Variants in TMEM17 observed in about 807,000 individuals in gnomAD.
TMEM17 encodes the protein transmembrane protein 17.
In TMEM17, 15 loss-of-function variants were observed where a neutral mutation model predicts 19.1. That is an observed-to-expected ratio of 0.78 (90% confidence interval 0.52 to 1.21). TMEM17 has a LOEUF of 1.21. TMEM17 is among the 50% of genes most tolerant of loss of function. The probability of loss-of-function intolerance (pLI) is 0.00; values close to 1 mark genes in which losing one functional copy is unlikely to be tolerated. For missense variants in TMEM17, 245 were observed against 242.3 expected, an observed-to-expected ratio of 1.01 and a Z score of -0.07; for synonymous variants, 103 against 86.9, an observed-to-expected ratio of 1.19 and a Z score of -1.03.
downstream of TMEM17, among the ~76,000 whole-genome samples, chr2:62,499,132 T>C (rs534706605): frequency 6.6e-6 from 1 of 152,326 alleles, no homozygotes; most frequent in African/African-American, 2.4e-5. Context: ...AATATGTTTA[T>C]TACAGCAAAA....
the TMEM17 span, among the ~76,000 whole-genome samples, chr2:62,467,229 C>G: frequency 6.6e-6 from 1 of 151,946 alleles, no homozygotes; most frequent in Non-Finnish European, 1.5e-5. Flanking sequence ...TGCACCTGCC[C>G]CTTGTTTACT....
At chr2:62,463,328 A>G in the TMEM17 span, 1 of 152,254 alleles carries the variant, frequency 6.6e-6, no homozygotes, top group East Asian at 1.9e-4. Flanking sequence ...GGTAAGTTAC[A>G]GATCTGAGCT....
At chr2:62,473,284 C>T in the TMEM17 span, among the ~76,000 whole-genome samples, 3 of 152,188 alleles carry the variant, frequency 2.0e-5, no homozygotes, top group African/African-American at 7.2e-5. Context: ...GAGGACCCAA[C>T]CACACCGCCA....
At chr2:62,459,947 T>G in the TMEM17 span, among the ~76,000 whole-genome samples, 1 of 152,222 alleles carries the variant, frequency 6.6e-6, no homozygotes, top group Non-Finnish European at 1.5e-5. Context: ...CATAATCATT[T>G]TTGAATACTA....
the TMEM17 span, among the ~76,000 whole-genome samples, chr2:62,492,406 A>G: frequency 6.6e-6 from 1 of 152,228 alleles, no homozygotes; most frequent in Non-Finnish European, 1.5e-5. Context: ...CAGGCATCCA[A>G]TTAAATGGTG....
At chr2:62,485,628 C>T in the TMEM17 span, among the ~76,000 whole-genome samples, 1 of 152,090 alleles carries the variant, frequency 6.6e-6, no homozygotes, top group African/African-American at 2.4e-5. Context: ...GGTTCTAAGA[C>T]CCAAGAGATC....
At chr2:62,481,698 GGT>G in the TMEM17 span, among the ~76,000 whole-genome samples, 4,776 of 144,090 alleles carry the variant, frequency 0.033, 191 homozygotes, top group African/African-American at 0.096. Flanking sequence ...ACCCCTTAAA[GGT>G]GTGTGTGTGT....
At chr2:62,495,917 G>A (rs533367860), downstream of TMEM17, among the ~76,000 whole-genome samples, 5 of 152,212 alleles carry the variant, frequency 3.3e-5, no homozygotes, top group South Asian at 1.0e-3. Flanking sequence ...GTCTTTTTAT[G>A]TCCTAGGGCT....
Position 62,506,157 on chromosome 2 carries a change from T to C in TMEM17, c.-28A>G. ...CTGGGCCTCAGTATCCCTCACCCCCTCAGACACGGGCTAGTCTGCGGGCGC... is the reference window on the plus strand; with the variant it reads ...CTGGGCCTCAGTATCCCTCACCCCCCCAGACACGGGCTAGTCTGCGGGCGC... On this transcript the variant is annotated 5_prime_UTR_variant, in exon 1 of 4. Coordinates refer to ENST00000335390, the MANE Select transcript of TMEM17 (RefSeq NM_198276.3). 6.4e-7 allele frequency: 1 copy of C among 1,573,982 alleles called. No homozygotes were observed. Among genetic ancestry groups the C allele is most frequent in the Non-Finnish European group, 8.6e-7 (1 of 1,158,526 alleles).
At chr2:62,456,881 C>T in the TMEM17 span, among the ~76,000 whole-genome samples, 1 of 152,272 alleles carries the variant, frequency 6.6e-6, no homozygotes, top group Admixed American at 6.5e-5. Context: ...AGGCAGCTAG[C>T]ACTGTTACCA....
chr2:62,496,639 G>A (rs1390614551), downstream of TMEM17, among the ~76,000 whole-genome samples: 2 of 152,174 alleles, frequency 1.3e-5, no homozygotes, highest in East Asian at 3.8e-4. Context: ...GCTAATAGTT[G>A]TTATTTTAAG....
the TMEM17 span, among the ~76,000 whole-genome samples, chr2:62,456,957 TC>T: frequency 6.6e-6 from 1 of 152,220 alleles, no homozygotes; most frequent in South Asian, 2.1e-4. Context: ...CCTTGCCTTC[TC>T]CCAGCTCCCC....
the TMEM17 span, among the ~76,000 whole-genome samples, chr2:62,485,476 A>G: frequency 6.6e-6 from 1 of 152,142 alleles, no homozygotes; most frequent in Non-Finnish European, 1.5e-5. Context: ...AAAAATATTC[A>G]TGCAATGGAA....
the TMEM17 span, among the ~76,000 whole-genome samples, chr2:62,461,062 A>G: frequency 1.3e-5 from 2 of 152,210 alleles, no homozygotes; most frequent in African/African-American, 2.4e-5. Flanking sequence ...ACCCAGAGCT[A>G]TAACTTACAG....
At chr2:62,484,595 T>C in the TMEM17 span, among the ~76,000 whole-genome samples, 4 of 152,210 alleles carry the variant, frequency 2.6e-5, no homozygotes, top group Admixed American at 2.6e-4. Context: ...GCACCCATGT[T>C]CTGGTCTTGT....
At chr2:62,466,858 C>T in the TMEM17 span, among the ~76,000 whole-genome samples, 153 of 152,256 alleles carry the variant, frequency 1.0e-3, no homozygotes, top group Non-Finnish European at 1.8e-3. Flanking sequence ...CAGCTGCATG[C>T]GGGGCCATGG....
the TMEM17 span, among the ~76,000 whole-genome samples, chr2:62,454,736 C>T: frequency 6.6e-6 from 1 of 152,182 alleles, no homozygotes; most frequent in African/African-American, 2.4e-5. Context: ...TGGAGTCTCA[C>T]TCTGTCGCCC....
At chr2:62,454,743 G>A in the TMEM17 span, among the ~76,000 whole-genome samples, 35 of 152,082 alleles carry the variant, frequency 2.3e-4, no homozygotes, top group South Asian at 1.2e-3. Flanking sequence ...TCACTCTGTC[G>A]CCCAGGCTGG....
chr2:62,471,847 T>C, the TMEM17 span, among the ~76,000 whole-genome samples: 1 of 152,270 alleles, frequency 6.6e-6, no homozygotes, highest in Non-Finnish European at 1.5e-5. Context: ...AAGCATTTAA[T>C]GTCTGAACTC....
Sources: allele counts gnomAD v4.1 joint callset (sites outside exome capture counted in the v4.1 genomes callset), GRCh38; gene constraint gnomAD v4.1.1; transcripts MANE v1.5; gene names NCBI Gene and HGNC (gene_info 2026-07-23, HGNC 2026-07-21).